The following SORCS1 variants were observed in gnomAD, a reference collection of about 807,000 sequenced individuals.
SORCS1 encodes the protein sortilin related VPS10 domain containing receptor 1.
A neutral mutation model predicts 146.1 loss-of-function variants in SORCS1; 60 were observed. The ratio of observed to expected loss-of-function variants is 0.41; its 90% CI spans 0.33 to 0.51. SORCS1 has a LOEUF of 0.51. Ranked by LOEUF, SORCS1 falls within the 20% of genes least tolerant of loss-of-function variation. The pLI is 0.21. For missense variants in SORCS1, 1,352 were observed against 1,487.6 expected (o/e 0.91, Z 1.50); for synonymous variants, 637 against 584.0 (o/e 1.09, Z -1.31).
chr10:106,620,214 A>C (rs1166514595), intron 20 of SORCS1: 6 of 488,482 alleles, frequency 1.2e-5, no homozygotes, highest in Non-Finnish European at 2.1e-5. Flanking sequence ...ACATAGAGGA[A>C]GGCAGAGATG....
At chr10:106,986,511 CGTGTGTGTGTGT>C (rs58888609) in intron 1 of SORCS1, among the ~76,000 whole-genome samples, 2,160 of 148,412 alleles carry the variant, frequency 0.015, 45 homozygotes, top group African/African-American at 0.049. Context: ...TATATACAAC[CGTGTGTGTGTGT>C]GTGTGTGTGT....
At chr10:106,801,496 T>C (rs1409404130) in intron 3 of SORCS1, among the ~76,000 whole-genome samples, 1 of 152,014 alleles carries the variant, frequency 6.6e-6, no homozygotes, top group African/African-American at 2.4e-5. Context: ...ACCCACGAAT[T>C]TATTGGGCAG....
At chr10:106,603,767 A>C (rs533763486) in intron 23 of SORCS1, among the ~76,000 whole-genome samples, 16 of 152,216 alleles carry the variant, frequency 1.1e-4, no homozygotes, top group African/African-American at 3.4e-4. Context: ...ATTTGTCTTA[A>C]ATTTCTGTAT....
intron 2 of SORCS1, among the ~76,000 whole-genome samples, chr10:106,869,932 C>T (rs1030512688): frequency 8.6e-5 from 13 of 151,934 alleles, no homozygotes; most frequent in South Asian, 2.1e-4. Context: ...TGATTCTATA[C>T]GTAGAAAACC....
At chr10:106,741,229 G>GA (rs534950628) in intron 5 of SORCS1, among the ~76,000 whole-genome samples, 12 of 151,280 alleles carry the variant, frequency 7.9e-5, no homozygotes, top group South Asian at 6.3e-4. Context: ...TCTTTTCATA[G>GA]AAAAAAAAAT....
intron 2 of SORCS1, among the ~76,000 whole-genome samples, chr10:106,850,405 G>C (rs1403466305): frequency 6.6e-6 from 1 of 152,120 alleles, no homozygotes; most frequent in Non-Finnish European, 1.5e-5. Flanking sequence ...CTGACCCCTT[G>C]CACTTCCCAG....
In SORCS1 at chr10:106,963,400, G is replaced by A. The variant is rs560684056; in HGVS notation, c.559-6820C>T. On this transcript the variant is annotated intron_variant, in intron 1 of 25. Coordinates refer to ENST00000263054, the MANE Select transcript of SORCS1 (RefSeq NM_052918.5). ...AAAGTGCTGGGATTACAGGTGTGAG[G>A]CACCGCACCCGGCCAGAAATTTGTT... Among the ~76,000 whole-genome samples, 256 of 152,074 alleles carry A rather than the reference G, an allele frequency of 1.7e-3. 1 individual carries two copies. Among genetic ancestry groups the A allele is most frequent in the Non-Finnish European group, 3.4e-3 (231 of 67,976 alleles).
At chr10:106,650,959 C>G (rs887494636) in intron 18 of SORCS1, among the ~76,000 whole-genome samples, 3 of 152,040 alleles carry the variant, frequency 2.0e-5, no homozygotes, top group African/African-American at 7.2e-5. Flanking sequence ...CTGTCATAGT[C>G]TCAAGCAGAA....
At chr10:106,838,873 G>A (rs1948901107) in intron 2 of SORCS1, among the ~76,000 whole-genome samples, 1 of 152,088 alleles carries the variant, frequency 6.6e-6, no homozygotes, top group African/African-American at 2.4e-5. Context: ...TATCTGTTAT[G>A]GAGATCCGTG....
At chr10:107,156,675 G>C (rs1466349996) in intron 1 of SORCS1, among the ~76,000 whole-genome samples, 1 of 152,216 alleles carries the variant, frequency 6.6e-6, no homozygotes, top group Non-Finnish European at 1.5e-5. Flanking sequence ...TCAACAGGCA[G>C]TCCTTCAGTT....
chr10:106,668,803 T>G (rs1273278190), intron 16 of SORCS1, among the ~76,000 whole-genome samples: 1 of 152,120 alleles, frequency 6.6e-6, no homozygotes, highest in African/African-American at 2.4e-5. Flanking sequence ...AGTGTTTGCT[T>G]CAGGAAGTTA....
At chr10:106,601,199 G>A (rs1290036603) in intron 23 of SORCS1, among the ~76,000 whole-genome samples, 2 of 152,234 alleles carry the variant, frequency 1.3e-5, no homozygotes, top group Non-Finnish European at 2.9e-5. Flanking sequence ...GTGAAATACT[G>A]TGTGATTTCT....
At chr10:106,730,629 C>A (rs1245304484) in intron 5 of SORCS1, among the ~76,000 whole-genome samples, 1 of 152,106 alleles carries the variant, frequency 6.6e-6, no homozygotes, top group African/African-American at 2.4e-5. Context: ...ATTGTCGAAC[C>A]CGTGTGAAGA....
At chr10:106,810,409 TG>T (rs1197669125) in intron 3 of SORCS1, among the ~76,000 whole-genome samples, 1 of 152,180 alleles carries the variant, frequency 6.6e-6, no homozygotes, top group Non-Finnish European at 1.5e-5. Context: ...TTTAAAAAAA[TG>T]TTCTTCTTTC....
intron 1 of SORCS1, among the ~76,000 whole-genome samples, chr10:107,000,742 T>G (rs1056201785): frequency 6.6e-6 from 1 of 151,918 alleles, no homozygotes; most frequent in Non-Finnish European, 1.5e-5. Flanking sequence ...TACAAGATAA[T>G]AAGTGATATT....
chr10:107,155,061 G>C (rs1224199515), intron 1 of SORCS1, among the ~76,000 whole-genome samples: 1 of 152,108 alleles, frequency 6.6e-6, no homozygotes, highest in Non-Finnish European at 1.5e-5. Flanking sequence ...GACATATTGT[G>C]GTTATGTGGA....
At chr10:107,111,251 A>T (rs113992541) in intron 1 of SORCS1, among the ~76,000 whole-genome samples, 216 of 152,328 alleles carry the variant, frequency 1.4e-3, no homozygotes, top group African/African-American at 4.6e-3. Context: ...AAATTTCCTT[A>T]AAAAAGAATA....
intron 2 of SORCS1, among the ~76,000 whole-genome samples, chr10:106,900,161 G>A (rs1343382537): frequency 6.6e-6 from 1 of 151,982 alleles, no homozygotes; most frequent in Non-Finnish European, 1.5e-5. Flanking sequence ...ATTACATCCT[G>A]TTTTTGCATT....
At chr10:106,655,827 A>T (rs1247015547) in intron 17 of SORCS1, among the ~76,000 whole-genome samples, 1 of 152,184 alleles carries the variant, frequency 6.6e-6, no homozygotes, top group Non-Finnish European at 1.5e-5. Flanking sequence ...TTTTTGCATT[A>T]CAGAATGGTT....
Sources: gnomAD v4.1 joint callset for allele counts (sites outside exome capture counted in the v4.1 genomes callset) on GRCh38, gnomAD v4.1.1 for gene constraint, MANE v1.5 for transcripts, NCBI Gene and HGNC (gene_info 2026-07-23, HGNC 2026-07-21) for gene names.